The following RSPO2 variants were observed in gnomAD, a reference collection of about 807,000 sequenced individuals.
RSPO2 encodes the protein R-spondin 2, also known as R-spondin-2.
A neutral mutation model predicts 30.9 loss-of-function variants in RSPO2; 14 were observed. The ratio of observed to expected loss-of-function variants is 0.45; its 90% confidence interval spans 0.30 to 0.71. The LOEUF (loss-of-function observed/expected upper bound fraction) is 0.71, where lower values mean the gene tolerates loss of function less well. Ranked by LOEUF, RSPO2 falls within the 30% of genes least tolerant of loss-of-function variation. RSPO2 has a pLI of 0.08. For missense variants in RSPO2, 264 were observed against 301.9 expected, an observed-to-expected ratio of 0.87 and a Z score of 0.93; for synonymous variants, 107 against 96.4, an observed-to-expected ratio of 1.11 and a Z score of -0.64.
intron 5 of RSPO2, among the ~76,000 whole-genome samples, chr8:107,939,877 G>C (rs887106809): frequency 2.0e-5 from 3 of 152,088 alleles, no homozygotes; most frequent in Non-Finnish European, 4.4e-5. Context: ...ATTTTAAACA[G>C]TATCGCTCCT....
intron 2 of RSPO2, among the ~76,000 whole-genome samples, chr8:108,038,702 C>A (rs1811665818): frequency 6.6e-6 from 1 of 152,076 alleles, no homozygotes; most frequent in Non-Finnish European, 1.5e-5. Flanking sequence ...CAAAGCAAGA[C>A]CCTCTACCAG....
At chr8:107,909,027 C>T (rs997630966) in intron 5 of RSPO2, among the ~76,000 whole-genome samples, 1 of 152,152 alleles carries the variant, frequency 6.6e-6, no homozygotes, top group Admixed American at 6.5e-5. Flanking sequence ...GACAAGTTGG[C>T]CTTCCAGCAC....
At chr8:108,008,329 G>A (rs986532234) in intron 2 of RSPO2, among the ~76,000 whole-genome samples, 4 of 152,026 alleles carry the variant, frequency 2.6e-5, no homozygotes, top group Non-Finnish European at 4.4e-5. Flanking sequence ...AGTAGCAGCC[G>A]CCTGCATTAA....
chr8:107,927,827 A>C (rs1056368729), intron 5 of RSPO2, among the ~76,000 whole-genome samples: 4 of 152,134 alleles, frequency 2.6e-5, no homozygotes, highest in African/African-American at 7.2e-5. Flanking sequence ...TTTTGTATCG[A>C]TGTTCATCAG....
intron 2 of RSPO2, among the ~76,000 whole-genome samples, chr8:108,014,445 A>G (rs1350632967): frequency 6.6e-6 from 1 of 152,202 alleles, no homozygotes; most frequent in Non-Finnish European, 1.5e-5. Flanking sequence ...GGACCAACCT[A>G]AATGCCCATC....
At position 108,080,400 on chromosome 8, in the gene RSPO2, G is replaced by T. The variant is rs181011645; in HGVS notation, c.94+2145C>A. On this transcript the variant is annotated intron_variant, in intron 2 of 5. Coordinates refer to ENST00000276659, the MANE Select transcript of RSPO2 (RefSeq NM_178565.5). The stretch of plus-strand genomic sequence containing the variant: ...AATTTACACGTTCTTGAAAGCATTT[G>T]AATTTTATTAAATCGAAAGGTTGAT... Among the ~76,000 whole-genome samples, 10 of 152,206 alleles carry T rather than the reference G, an allele frequency of 6.6e-5. No homozygotes were observed. In the East Asian group the frequency reaches 1.9e-3, roughly 29 times the overall value.
chr8:107,976,503 C>T (rs1338338962), intron 3 of RSPO2, among the ~76,000 whole-genome samples: 6 of 152,080 alleles, frequency 3.9e-5, no homozygotes, highest in South Asian at 4.1e-4. Flanking sequence ...ATTAGAATGG[C>T]CATTTCTATC....
intron 2 of RSPO2, among the ~76,000 whole-genome samples, chr8:108,028,104 G>T (rs1364644750): frequency 6.6e-6 from 1 of 151,816 alleles, no homozygotes; most frequent in Admixed American, 6.6e-5. Flanking sequence ...AGGACTGGGC[G>T]GTTCCCAGGA....
At chr8:108,048,098 A>C (rs1422306439) in intron 2 of RSPO2, among the ~76,000 whole-genome samples, 1 of 152,064 alleles carries the variant, frequency 6.6e-6, no homozygotes, top group Non-Finnish European at 1.5e-5. Flanking sequence ...TATCCTAAGG[A>C]GGTAGATACT....
intron 2 of RSPO2, among the ~76,000 whole-genome samples, chr8:108,072,302 A>G (rs2130726494): frequency 6.6e-6 from 1 of 150,926 alleles, no homozygotes; most frequent in African/African-American, 2.4e-5. Context: ...GGTGAAAAAC[A>G]ATGAGATGGC....
chr8:108,062,981 G>T (rs897058132), intron 2 of RSPO2, among the ~76,000 whole-genome samples: 4 of 151,686 alleles, frequency 2.6e-5, no homozygotes, highest in South Asian at 2.1e-4. Flanking sequence ...AAATTCAACT[G>T]CCCTTCATGC....
chr8:108,049,903 T>G (rs1269311270), intron 2 of RSPO2, among the ~76,000 whole-genome samples: 2 of 152,188 alleles, frequency 1.3e-5, no homozygotes, highest in African/African-American at 4.8e-5. Flanking sequence ...TATAATCCTT[T>G]GGGCAAATGA....
chr8:108,081,299 T>A (rs1009501846), intron 2 of RSPO2, among the ~76,000 whole-genome samples: 1 of 152,024 alleles, frequency 6.6e-6, no homozygotes, highest in Non-Finnish European at 1.5e-5. Context: ...ATCAAAAAAA[T>A]AAGGTTCGGA....
intron 5 of RSPO2, among the ~76,000 whole-genome samples, chr8:107,937,615 GAAA>G (rs34321211): frequency 6.8e-6 from 1 of 146,140 alleles, no homozygotes; most frequent in Admixed American, 6.8e-5. Flanking sequence ...TCATTTGAAG[GAAA>G]AAAAAAAAGA....
intron 2 of RSPO2, among the ~76,000 whole-genome samples, chr8:107,992,357 G>A (rs1044053632): frequency 2.6e-5 from 4 of 152,100 alleles, no homozygotes; most frequent in African/African-American, 7.2e-5. Context: ...TTAATGATGA[G>A]AACACATGGA....
chr8:107,976,439 A>G (rs1814213300), intron 3 of RSPO2, among the ~76,000 whole-genome samples: 1 of 152,224 alleles, frequency 6.6e-6, no homozygotes, highest in African/African-American at 2.4e-5. Flanking sequence ...ATGTTTACAA[A>G]TACTATAGAG....
intron 2 of RSPO2, among the ~76,000 whole-genome samples, chr8:108,015,346 A>G (rs1035784033): frequency 5.9e-5 from 9 of 152,134 alleles, no homozygotes; most frequent in African/African-American, 2.2e-4. Context: ...TATGTCATGC[A>G]CACACACACA....
intron 3 of RSPO2, among the ~76,000 whole-genome samples, chr8:107,979,188 C>T (rs1369003663): frequency 6.6e-6 from 1 of 152,262 alleles, no homozygotes; most frequent in Middle Eastern, 3.4e-3. Flanking sequence ...TGGGTATATA[C>T]CCAAAGGATT....
chr8:108,047,740 A>C (rs1408778370), intron 2 of RSPO2, among the ~76,000 whole-genome samples: 1 of 151,804 alleles, frequency 6.6e-6, no homozygotes, highest in African/African-American at 2.4e-5. Flanking sequence ...AGTCCCAGCT[A>C]TTTGGGAGGC....
Sources: gnomAD v4.1 joint callset for allele counts (sites outside exome capture counted in the v4.1 genomes callset) on GRCh38, gnomAD v4.1.1 for gene constraint, MANE v1.5 for transcripts, NCBI Gene and HGNC (gene_info 2026-07-23, HGNC 2026-07-21) for gene names.